TNC: variants seen among roughly 807,000 people sequenced by gnomAD.
TNC encodes the protein tenascin.
In TNC, 109 loss-of-function variants were observed where a neutral mutation model predicts 202.4. The observed-to-expected ratio is 0.54, with a 90% CI of 0.46 to 0.63. The LOEUF is 0.63. TNC is among the 30% of genes least tolerant of loss of function. TNC has a pLI of 0.00. For synonymous variants in TNC, 1,007 were observed against 1,089.7 expected (o/e 0.92, Z 1.50); for missense variants, 2,756 against 2,833.3 (o/e 0.97, Z 0.62).
At position 115,059,967 on chromosome 9, in the gene TNC, C is replaced by T; in HGVS notation, c.4069G>A (p.Glu1357Lys). 2 of 1,613,990 alleles carry T rather than the reference C, an allele frequency of 1.2e-6. No individual in the cohort carries two copies. Among genetic ancestry groups the T allele is most frequent in the Non-Finnish European group, 8.5e-7 (1 of 1,179,952 alleles). ...AGTCTGAGGCCATCCCAGCCAACCT[C>T]AGACACGGCTAAATCTCCCAGCTGT... ...LPQLGDLAVS[E>K]VGWDGLRLNW... Residue 1357 changes from glutamate to lysine, a missense_variant, in exon 14 of 28, where the codon GAG (glutamate) becomes AAG (lysine). By Grantham distance (56) the Glu-to-Lys change is moderately conservative (BLOSUM62 1). Around this residue, in one of 2 missense-constraint regions of TNC, gnomAD observed 2,559 missense variants for 2,546.0 expected, o/e 1.01. Coordinates refer to ENST00000350763, the MANE Select transcript of TNC (RefSeq NM_002160.4).
chr9:115,082,784 T>C lies in TNC; in HGVS notation c.2155A>G (p.Lys719Glu). 2 of 1,613,960 alleles carry C rather than the reference T, an allele frequency of 1.2e-6. No individual in the cohort carries two copies. Among genetic ancestry groups the C allele is most frequent in the Non-Finnish European group, 1.7e-6 (2 of 1,179,806 alleles). The change falls in exon 5 of 28, where the codon AAA becomes GAA. Residue 719 changes from lysine (K) to glutamate (E), a missense_variant. Lys to Glu is a moderately conservative substitution (Grantham distance 56, BLOSUM62 1). Around this residue, in one of 2 missense-constraint regions of TNC, gnomAD observed 2,559 missense variants for 2,546.0 expected, o/e 1.01. Coordinates refer to ENST00000350763, the MANE Select transcript of TNC (RefSeq NM_002160.4). The part of the protein sequence containing the change: ...ATYLPAPEGL[K>E]FKSIKETSVE... The stretch of plus-strand genomic sequence containing the variant: ...GATGTCTCCTTGATGGACTTGAATT[T>C]CAGGCCTTCAGGTGCAGGTAAGTCT...
rs568031031 is a variant in TNC at position 115,116,891 on chromosome 9, C to T, written c.-137+1091G>A. Among the ~76,000 whole-genome samples the T allele has an allele frequency of 1.3e-3, 201 of 152,224 alleles. 1 individual carries two copies. Among genetic ancestry groups the T allele is most frequent in the Non-Finnish European group, 2.2e-3 (153 of 68,014 alleles). ...TGAGATAAAAAGCGGGGGCTGGGGG[C>T]GGGCTGAGGAACAACACACAAGAAA... On this transcript the variant is annotated intron_variant, in intron 1 of 27. Transcript: ENST00000350763.
At chr9:115,080,666 T>C (rs1159205777) in intron 6 of TNC, among the ~76,000 whole-genome samples, 3 of 151,840 alleles carry the variant, frequency 2.0e-5, no homozygotes, top group African/African-American at 7.3e-5. Context: ...ATCCTAGCAC[T>C]TTAGGAGGCC....
intron 13 of TNC, among the ~76,000 whole-genome samples, chr9:115,062,031 G>T (rs1045077686): frequency 1.3e-5 from 2 of 152,164 alleles, no homozygotes; most frequent in African/African-American, 4.8e-5. Context: ...CCTATCAGGT[G>T]GGTGTTAGTT....
chr9:115,067,543 C>T (rs184911402), intron 10 of TNC, among the ~76,000 whole-genome samples: 112 of 151,934 alleles, frequency 7.4e-4, no homozygotes, highest in Admixed American at 4.1e-3. Context: ...AGTTACCTTA[C>T]GGGGGGTGGG....
intron 15 of TNC, among the ~76,000 whole-genome samples, chr9:115,056,588 G>T (rs904820947): frequency 2.0e-5 from 3 of 152,198 alleles, no homozygotes; most frequent in African/African-American, 7.2e-5. Flanking sequence ...TCTAGAGGTG[G>T]TGTTGGAACT....
At chr9:115,099,744 T>C (rs557934507) in intron 1 of TNC, among the ~76,000 whole-genome samples, 4 of 152,360 alleles carry the variant, frequency 2.6e-5, no homozygotes, top group South Asian at 2.1e-4. Context: ...ATTGGTATTA[T>C]ATGATTATTC....
At chr9:115,031,477 A>T (rs1829941649) in intron 23 of TNC, 76 bp downstream of exon 23, 28 of 1,376,420 alleles carry the variant, frequency 2.0e-5, no homozygotes, top group Non-Finnish European at 2.7e-5. Flanking sequence ...TTTAAAGTAG[A>T]AGTCAAAGGG....
At chr9:115,037,145 C>T (rs1299744523) in intron 20 of TNC, among the ~76,000 whole-genome samples, 2 of 152,162 alleles carry the variant, frequency 1.3e-5, no homozygotes, top group Non-Finnish European at 2.9e-5. Flanking sequence ...GTTCCCCACC[C>T]CTACCTGTGC....
Position 115,030,236 on chromosome 9 carries a change from G to T in TNC, c.6072+18C>A. 1 of 1,597,718 alleles carries T rather than the reference G, an allele frequency of 6.3e-7. No homozygotes were observed. Among genetic ancestry groups the T allele is most frequent in the South Asian group, 1.1e-5 (1 of 89,850 alleles). ...TTCCCCTAGGCCTGAGGGCTCTGCAGTCCCTGGTGGTACTCACAATCCATC... is the reference window on the plus strand; with the variant it reads ...TTCCCCTAGGCCTGAGGGCTCTGCATTCCCTGGTGGTACTCACAATCCATC... On this transcript the variant is annotated intron_variant, in intron 24 of 27. Transcript: ENST00000350763.
At chr9:115,045,727 C>T (rs574884867) in intron 17 of TNC, among the ~76,000 whole-genome samples, 5 of 150,068 alleles carry the variant, frequency 3.3e-5, no homozygotes, top group African/African-American at 1.2e-4. Context: ...CTCCTTGAAA[C>T]AGCTCCTATG....
In TNC at chr9:115,048,348, G is replaced by A. The variant is rs766519856; in HGVS notation, c.4764C>T (p.Gly1588=). 3.5e-5 allele frequency: 56 copies of A among 1,613,934 alleles called. No individual in the cohort carries two copies. The highest frequency in any genetic ancestry group is 4.3e-5 in the Non-Finnish European group (51 of 1,179,978). ...SGTQRKLELR[G]LITGIGYEVM... ...CCTCATAGCCAATGCCAGTTATGAG[G>A]CCTCTAAGCTCCAGCTTCCTCTGGG... Residue 1588 remains glycine (G), a synonymous_variant, in exon 16 of 28, where the codon GGC becomes GGT. Coordinates refer to ENST00000350763, the MANE Select transcript of TNC (RefSeq NM_002160.4).
chr9:115,095,650 GTATATATA>G (rs370860688), intron 1 of TNC, among the ~76,000 whole-genome samples: 7 of 5,334 alleles, frequency 1.3e-3, no homozygotes, highest in African/African-American at 5.6e-3. Flanking sequence ...ATATATATAT[GTATATATA>G]TGTATATATA....
In TNC at chr9:115,046,592, T is replaced by C. The variant is rs761272838; in HGVS notation, c.4943A>G (p.Asp1648Gly). The change falls in exon 17 of 28, where the codon GAC (aspartate) becomes GGC (glycine). Residue 1648 changes from aspartate to glycine, a missense_variant. By Grantham distance (94) the Asp-to-Gly change is moderately conservative (BLOSUM62 -1). Transcript: ENST00000350763. ...ATCTCTGATTTTGAGAACAAAATTG[T>C]CGAAGACCCCTTCATCAGCTGTCCA... ...LSWTADEGVFDNFVLKIRDTK... is the reference protein window; with the variant it reads ...LSWTADEGVFGNFVLKIRDTK... The C allele has an allele frequency of 6.2e-7, 1 of 1,614,066 alleles. No homozygotes were observed. The highest frequency in any genetic ancestry group is 8.5e-7 in the Non-Finnish European group (1 of 1,179,984).
chr9:115,076,876 G>A (rs1833903681), intron 7 of TNC, among the ~76,000 whole-genome samples: 1 of 152,150 alleles, frequency 6.6e-6, no homozygotes, highest in African/African-American at 2.4e-5. Context: ...CTGGTCTTTT[G>A]CATTTTCTCA....
At chr9:115,092,767 G>A (rs1203649760) in intron 1 of TNC, among the ~76,000 whole-genome samples, 1 of 141,194 alleles carries the variant, frequency 7.1e-6, no homozygotes, top group Non-Finnish European at 1.5e-5. Context: ...TTTTTTTTTA[G>A]TAGAGTTGGA....
chr9:115,094,556 A>G (rs558841611), intron 1 of TNC, among the ~76,000 whole-genome samples: 2 of 152,342 alleles, frequency 1.3e-5, no homozygotes, highest in South Asian at 4.1e-4. Flanking sequence ...ATGTTCTGAT[A>G]GTAGGACTTT....
chr9:115,116,875 A>C (rs1399208631), intron 1 of TNC, among the ~76,000 whole-genome samples: 1 of 152,072 alleles, frequency 6.6e-6, no homozygotes, highest in Non-Finnish European at 1.5e-5. Context: ...GTGAGATAAA[A>C]AGCGGGGGCT....
intron 23 of TNC, 96 bp downstream of exon 23, chr9:115,031,457 G>T: frequency 1.5e-6 from 2 of 1,327,590 alleles, no homozygotes; most frequent in Non-Finnish European, 2.0e-6. Flanking sequence ...TCAGAGGTTT[G>T]TTTGAAAATT....
Sources: allele counts gnomAD v4.1 joint callset (sites outside exome capture counted in the v4.1 genomes callset), GRCh38; gene constraint gnomAD v4.1.1; regional missense constraint gnomAD v4.1.1; transcripts MANE v1.5; gene names NCBI Gene and HGNC (gene_info 2026-07-23, HGNC 2026-07-21).